Variants in UTRN observed in about 807,000 individuals in gnomAD.
UTRN encodes the protein utrophin.
A neutral mutation model predicts 463.9 loss-of-function variants in UTRN; 283 were observed. That is an observed-to-expected ratio of 0.61 (90% CI 0.55 to 0.67). The LOEUF is 0.67. Ranked by LOEUF, UTRN falls within the 30% of genes least tolerant of loss-of-function variation. UTRN has a pLI of 0.00. For missense variants in UTRN, 3,922 were observed against 4,084.3 expected, an observed-to-expected ratio of 0.96 and a Z score of 1.08; for synonymous variants, 1,442 against 1,431.5, an observed-to-expected ratio of 1.01 and a Z score of -0.17.
intron 2 of UTRN, among the ~76,000 whole-genome samples, chr6:144,307,949 C>T (rs553289613): frequency 6.6e-6 from 1 of 152,012 alleles, no homozygotes; most frequent in South Asian, 2.1e-4. Context: ...TTGTGACTGC[C>T]TTTTGTGTGG....
chr6:144,643,598 A>G (rs1172416439), intron 51 of UTRN, among the ~76,000 whole-genome samples: 1 of 152,096 alleles, frequency 6.6e-6, no homozygotes, highest in Admixed American at 6.6e-5. Context: ...GGAGTTCAAG[A>G]CCAGCCCGGC....
Position 144,382,283 on chromosome 6 carries a change from G to A in UTRN, c.80-20840G>A, listed in dbSNP as rs549354385. Among the ~76,000 whole-genome samples the A allele has an allele frequency of 5.9e-5, 9 of 152,360 alleles. No individual in the cohort carries two copies. In the South Asian group the frequency reaches 1.9e-3, roughly 32 times the overall value. On this transcript the variant is annotated intron_variant, in intron 2 of 74. Transcript: ENST00000367545. ...GGGTAGATTCCTATATGTGGCTTAG[G>A]TAAGCTTTGTGATGATTTGGTATAA...
chr6:144,525,724 C>G (rs1341264975), intron 41 of UTRN, among the ~76,000 whole-genome samples: 1 of 148,870 alleles, frequency 6.7e-6, no homozygotes, highest in Non-Finnish European at 1.5e-5. Flanking sequence ...TTCTGCTGGG[C>G]TTGGGTTTGG....
chr6:144,485,727 C>G (rs1333914244), intron 28 of UTRN, among the ~76,000 whole-genome samples: 11 of 152,178 alleles, frequency 7.2e-5, no homozygotes, highest in Non-Finnish European at 7.3e-5. Context: ...AGCCTCAAGA[C>G]GTGGTTAGCT....
chr6:144,392,598 C>T (rs1393312196), intron 2 of UTRN, among the ~76,000 whole-genome samples: 2 of 152,124 alleles, frequency 1.3e-5, no homozygotes, highest in Non-Finnish European at 1.5e-5. Flanking sequence ...ATAACTGATG[C>T]CTTTGTAGTG....
rs80254521 is a variant in UTRN, at chr6:144,617,532, A to G, written c.7479+40244A>G. 2.6e-3 allele frequency among the ~76,000 whole-genome samples: 390 copies of G among 152,282 alleles called. 13 individuals are homozygous for G. In the East Asian group the frequency reaches 0.058, roughly 23 times the overall value. The stretch of plus-strand genomic sequence containing the variant: ...GGTTATGTTTATGGAGACCAGAACT[A>G]TGAGTATTGATTTATGTTTGCTTTG... On this transcript the variant is annotated intron_variant, in intron 51 of 74. Coordinates refer to ENST00000367545, the MANE Select transcript of UTRN (RefSeq NM_007124.3).
At chr6:144,488,651 A>G (rs1329425533) in intron 29 of UTRN, 22 bp from the exon 30 acceptor site, 13 of 1,605,932 alleles carry the variant, frequency 8.1e-6, no homozygotes, top group Non-Finnish European at 1.0e-5. Flanking sequence ...GCAACTAATG[A>G]TTCAATTTCT....
At position 144,839,177 on chromosome 6, in the gene UTRN, A is replaced by T; in HGVS notation, c.10070A>T (p.Glu3357Val). 1 of 1,613,498 alleles carries T rather than the reference A, an allele frequency of 6.2e-7. No individual in the cohort carries two copies. The highest frequency in any genetic ancestry group is 1.1e-5 in the South Asian group (1 of 91,060). The change falls in exon 72 of 75, where the codon GAA becomes GTA. Residue 3357 changes from glutamate to valine, a missense_variant. Transcript: ENST00000367545. Reference sequence around the variant, plus strand: ...AACCTCTGAATGTGGTTCCAGCCTGAATCTGATTCCCGAATCAATGGTGTT... The same window carrying T: ...AACCTCTGAATGTGGTTCCAGCCTGTATCTGATTCCCGAATCAATGGTGTT... ...HRLRQLLEQPESDSRINGVSP... is the reference protein window; with the variant it reads ...HRLRQLLEQPVSDSRINGVSP...
chr6:144,459,007 G>T lies in UTRN; in HGVS notation c.2522G>T (p.Cys841Phe), dbSNP rs1181469326. The T allele has an allele frequency of 1.9e-6, 3 of 1,601,604 alleles. No individual in the cohort carries two copies. In the African/African-American group the frequency reaches 4.0e-5, roughly 22 times the overall value. Residue 841 changes from cysteine to phenylalanine, a missense_variant, in exon 20 of 75, where the codon TGT (cysteine) becomes TTT (phenylalanine). Cys to Phe is a radical substitution (Grantham distance 205). Coordinates refer to ENST00000367545, the MANE Select transcript of UTRN (RefSeq NM_007124.3). ...TCCTTGCCAAGCTTGAAGGATTCCT[G>T]TCAGGTAAGGAGCCAACGGTCTGGA... is the stretch of plus-strand genomic sequence containing the variant. ...RQSLPSLKDS[C>F]QRELTNLLGL...
chr6:144,313,127 C>G (rs886824461), intron 2 of UTRN, among the ~76,000 whole-genome samples: 6 of 152,042 alleles, frequency 3.9e-5, no homozygotes, highest in African/African-American at 1.4e-4. Flanking sequence ...AGGCTTGCCC[C>G]TCAACACTAT....
At chr6:144,506,728 A>G (rs1794722022) in intron 34 of UTRN, among the ~76,000 whole-genome samples, 1 of 151,906 alleles carries the variant, frequency 6.6e-6, no homozygotes, top group African/African-American at 2.4e-5. Context: ...GAATCTGACG[A>G]TTATGTGTCT....
chr6:144,663,265 A>T lies in UTRN; in HGVS notation c.7480-15141A>T, dbSNP rs553483570. On this transcript the variant is annotated intron_variant, in intron 51 of 74. Coordinates refer to ENST00000367545, the MANE Select transcript of UTRN (RefSeq NM_007124.3). ...CCAGCAAGCAGGTCCTAATCATCTA[A>T]CAAAGTGATAAGGGATGAGAAGTTG... Among the ~76,000 whole-genome samples the T allele has an allele frequency of 3.3e-5, 5 of 152,316 alleles. No homozygotes were observed. The South Asian group carries it at 1.0e-3, about 32-fold the overall frequency.
intron 62 of UTRN, among the ~76,000 whole-genome samples, chr6:144,793,613 G>T (rs1020378438): frequency 1.3e-5 from 2 of 152,064 alleles, no homozygotes; most frequent in Non-Finnish European, 2.9e-5. Context: ...TTGCAGGAAC[G>T]GGTTAACTAC....
chr6:144,813,195 A>AT (rs139265936), intron 65 of UTRN, among the ~76,000 whole-genome samples: 3,561 of 150,492 alleles, frequency 0.024, 148 homozygotes, highest in African/African-American at 0.083. Context: ...TTATTTATTT[A>AT]TTTATTTTTT....
intron 43 of UTRN, among the ~76,000 whole-genome samples, chr6:144,535,150 A>G (rs949657863): frequency 1.1e-4 from 17 of 152,182 alleles, no homozygotes; most frequent in Non-Finnish European, 4.4e-5. Context: ...GCGTGATCTC[A>G]GCTCACTGCA....
intron 25 of UTRN, among the ~76,000 whole-genome samples, chr6:144,476,294 A>T (rs898812979): frequency 2.6e-5 from 4 of 151,712 alleles, no homozygotes; most frequent in African/African-American, 7.3e-5. Flanking sequence ...CTGGGAAGGC[A>T]GGAATGAAAA....
chr6:144,412,475 G>C (rs1453627566), intron 3 of UTRN, among the ~76,000 whole-genome samples: 1 of 151,856 alleles, frequency 6.6e-6, no homozygotes, highest in African/African-American at 2.4e-5. Context: ...GTTGAAATTG[G>C]GGTTCATGAG....
In UTRN at chr6:144,490,929, A is replaced by G. The variant is rs761920620; in HGVS notation, c.4264A>G (p.Arg1422Gly). 6.3e-7 allele frequency: 1 copy of G among 1,584,794 alleles called. No individual in the cohort carries two copies. Among genetic ancestry groups the G allele is most frequent in the East Asian group, 2.3e-5 (1 of 44,316 alleles). The change falls in exon 32 of 75, where the codon AGG (arginine) becomes GGG (glycine). Residue 1422 changes from arginine to glycine, a missense_variant and splice_region_variant. Arg to Gly is a moderately radical substitution (Grantham distance 125). Around this residue, in one of 3 missense-constraint regions of UTRN, gnomAD observed 2,349 missense variants for 2,303.8 expected, o/e 1.02. Transcript: ENST00000367545. ...TGCATATTTTCATTTCTGCAAACAG[A>G]GGAAACTCCGAGAGGTGTCCACAAA... Reference protein sequence around the residue: ...RGGSQMDVLQRKLREVSTKFQ... With the variant: ...RGGSQMDVLQGKLREVSTKFQ...
chr6:144,596,943 C>T (rs1803708230), intron 51 of UTRN, among the ~76,000 whole-genome samples: 2 of 152,068 alleles, frequency 1.3e-5, no homozygotes, highest in African/African-American at 4.8e-5. Context: ...TGCAAAATGG[C>T]TTAAAAGTGC....
Sources: gnomAD v4.1 joint callset for allele counts (sites outside exome capture counted in the v4.1 genomes callset) on GRCh38, gnomAD v4.1.1 for gene constraint, gnomAD v4.1.1 regional missense constraint, MANE v1.5 for transcripts, NCBI Gene and HGNC (gene_info 2026-07-23, HGNC 2026-07-21) for gene names.